Variants in PARVA observed in about 807,000 individuals in gnomAD.
PARVA encodes alpha-parvin.
In PARVA, 25 loss-of-function variants were observed where a neutral mutation model predicts 52.6. The ratio of observed to expected loss-of-function variants is 0.48; its 90% CI spans 0.35 to 0.66. The LOEUF (loss-of-function observed/expected upper bound fraction) is 0.66, where lower values mean the gene tolerates loss of function less well. Among genes scored for constraint, PARVA ranks in the 30% least tolerant of loss-of-function variants. The probability of loss-of-function intolerance (pLI) is 0.01; values close to 1 mark genes in which losing one functional copy is unlikely to be tolerated. For missense variants in PARVA, 373 were observed against 450.9 expected, an observed-to-expected ratio of 0.83 and a Z score of 1.56; for synonymous variants, 185 against 179.1, an observed-to-expected ratio of 1.03 and a Z score of -0.26.
chr11:12,390,563 T>C (rs574110343), intron 1 of PARVA, among the ~76,000 whole-genome samples: 1 of 152,194 alleles, frequency 6.6e-6, no homozygotes, highest in South Asian at 2.1e-4. Flanking sequence ...GCTGAGTAAG[T>C]AAGGGGCAGA....
At chr11:12,397,793 C>T (rs144213507) in intron 1 of PARVA, among the ~76,000 whole-genome samples, 3 of 151,780 alleles carry the variant, frequency 2.0e-5, no homozygotes, top group African/African-American at 7.3e-5. Flanking sequence ...TCCCAAGTCC[C>T]CTGCCCCCAT....
intron 1 of PARVA, among the ~76,000 whole-genome samples, chr11:12,421,549 A>T (rs1454410825): frequency 6.6e-6 from 1 of 152,202 alleles, no homozygotes; most frequent in African/African-American, 2.4e-5. Flanking sequence ...TGGTCTTAAG[A>T]TAGCCAGAGG....
At chr11:12,516,870 G>T (rs547886909) in intron 10 of PARVA, among the ~76,000 whole-genome samples, 1 of 152,264 alleles carries the variant, frequency 6.6e-6, no homozygotes, top group East Asian at 1.9e-4. Flanking sequence ...CTTGCCCAAG[G>T]CATATAGCTA....
intron 4 of PARVA, among the ~76,000 whole-genome samples, chr11:12,489,218 ATG>A (rs1589977622): frequency 1.3e-5 from 2 of 152,076 alleles, no homozygotes; most frequent in East Asian, 3.9e-4. Context: ...TAAAATGAGT[ATG>A]TTTAATATGT....
At position 12,481,428 on chromosome 11, in the gene PARVA, A is replaced by T. The variant is rs1455113522; in HGVS notation, c.400+3479A>T. Among the ~76,000 whole-genome samples, 14 of 143,298 alleles carry T rather than the reference A, an allele frequency of 9.8e-5. No individual in the cohort carries two copies. The South Asian group carries it at 2.4e-3, about 25-fold the overall frequency. The allele number at this position is 143,298 out of a possible 152,430, so 94.0% of individuals were successfully genotyped here. The stretch of plus-strand genomic sequence containing the variant: ...TGGACACGTTCAACAAGCTGCCCAT[A>T]TTTTTTTTTTTTCTGAGCATTTCCT... On this transcript the variant is annotated intron_variant, in intron 4 of 12. Coordinates refer to ENST00000334956, the MANE Select transcript of PARVA (RefSeq NM_018222.5).
chr11:12,388,501 G>T (rs1054117187), intron 1 of PARVA, among the ~76,000 whole-genome samples: 2 of 152,136 alleles, frequency 1.3e-5, no homozygotes, highest in Non-Finnish European at 2.9e-5. Flanking sequence ...TCTCTTGGGG[G>T]AAAGAAGAAT....
At chr11:12,499,939 T>C (rs1354643519) in intron 5 of PARVA, among the ~76,000 whole-genome samples, 2 of 152,344 alleles carry the variant, frequency 1.3e-5, no homozygotes, top group Middle Eastern at 3.4e-3. Context: ...TAATGTGACA[T>C]TGTATGGATC....
intron 1 of PARVA, among the ~76,000 whole-genome samples, chr11:12,431,239 C>G (rs1409804349): frequency 6.6e-6 from 1 of 152,252 alleles, no homozygotes; most frequent in African/African-American, 2.4e-5. Context: ...CTAGCAACAG[C>G]AAGTGCTTCC....
rs1186543592 is a variant in PARVA at position 12,531,015 on chromosome 11, T to G, written c.*3090T>G. Among the ~76,000 whole-genome samples, 3 of 152,178 alleles carry G rather than the reference T, an allele frequency of 2.0e-5. No individual in the cohort carries two copies. The highest frequency in any genetic ancestry group is 7.2e-5 in the African/African-American group (3 of 41,444). Reference sequence around the variant, plus strand: ...GTTTTTAAGTCCTCTTTTGGAACCTTATGGTGAATTGTATGCAGATTGATG... The same window carrying G: ...GTTTTTAAGTCCTCTTTTGGAACCTGATGGTGAATTGTATGCAGATTGATG... On this transcript the variant is annotated 3_prime_UTR_variant, in exon 13 of 13. Coordinates refer to ENST00000334956, the MANE Select transcript of PARVA (RefSeq NM_018222.5).
At chr11:12,481,745 G>T (rs1329534904) in intron 4 of PARVA, among the ~76,000 whole-genome samples, 3 of 152,144 alleles carry the variant, frequency 2.0e-5, no homozygotes, top group Non-Finnish European at 4.4e-5. Context: ...ATACTGAGTT[G>T]TTTGGGCAGC....
intron 4 of PARVA, among the ~76,000 whole-genome samples, chr11:12,492,706 C>T (rs1339208372): frequency 1.3e-5 from 2 of 152,060 alleles, no homozygotes; most frequent in Non-Finnish European, 2.9e-5. Context: ...TTTGTATACC[C>T]AGAGAATGCT....
chr11:12,480,949 C>T (rs1054612635), intron 4 of PARVA: 9 of 152,042 alleles, frequency 5.9e-5, no homozygotes, highest in Non-Finnish European at 1.3e-4. Flanking sequence ...TTTGAGTGAG[C>T]ACTCTGACCT....
intron 1 of PARVA, among the ~76,000 whole-genome samples, chr11:12,422,773 TA>T (rs1940170299): frequency 6.6e-6 from 1 of 152,362 alleles, no homozygotes; most frequent in Admixed American, 6.5e-5. Context: ...ATTTTATTAT[TA>T]TTTTGGATTA....
chr11:12,472,817 A>C (rs1940950967), intron 1 of PARVA, among the ~76,000 whole-genome samples: 1 of 152,172 alleles, frequency 6.6e-6, no homozygotes. Flanking sequence ...CTTAATTGGC[A>C]AAAAGCAAGG....
At chr11:12,506,249 A>C (rs1192637557) in intron 6 of PARVA, among the ~76,000 whole-genome samples, 2 of 152,190 alleles carry the variant, frequency 1.3e-5, no homozygotes, top group Non-Finnish European at 2.9e-5. Flanking sequence ...CATATCACTA[A>C]CATTGAAATT....
intron 1 of PARVA, among the ~76,000 whole-genome samples, chr11:12,383,448 G>A (rs1459122801): frequency 6.6e-6 from 1 of 152,146 alleles, no homozygotes; most frequent in East Asian, 1.9e-4. Context: ...TTTACATTTT[G>A]ATCAGGACCT....
At chr11:12,515,812 G>T (rs946212728) in intron 10 of PARVA, among the ~76,000 whole-genome samples, 7 of 152,116 alleles carry the variant, frequency 4.6e-5, no homozygotes, top group Non-Finnish European at 5.9e-5. Flanking sequence ...TGAGTTGCAG[G>T]CCTGATGGAT....
At chr11:12,413,139 T>A (rs1940015236) in intron 1 of PARVA, among the ~76,000 whole-genome samples, 1 of 152,224 alleles carries the variant, frequency 6.6e-6, no homozygotes, top group Admixed American at 6.5e-5. Flanking sequence ...ACAAGGGGAA[T>A]TAGGCCAGGA....
Position 12,513,283 on chromosome 11 carries a change from T to A in PARVA, c.737-16T>A. The A allele has an allele frequency of 6.2e-7, 1 of 1,612,840 alleles. No homozygotes were observed. Among genetic ancestry groups the A allele is most frequent in the South Asian group, 1.1e-5 (1 of 91,030 alleles). On this transcript the variant is annotated splice_polypyrimidine_tract_variant and intron_variant, in intron 8 of 12. Transcript: ENST00000334956. ...ATCAGCTCTTGTGCTCCACATTGTG[T>A]TTCCCTCTTTTTCAGAACGTGATGC...
Sources: gnomAD v4.1 joint callset for allele counts (sites outside exome capture counted in the v4.1 genomes callset) on GRCh38, gnomAD v4.1.1 for gene constraint, MANE v1.5 for transcripts, NCBI Gene and HGNC (gene_info 2026-07-23, HGNC 2026-07-21) for gene names.